The following PROM1 variants were observed in gnomAD, a reference collection of about 807,000 sequenced individuals.
The protein encoded by PROM1 is prominin 1.
In PROM1, 105 loss-of-function variants were observed where a neutral mutation model predicts 116.9. The ratio of observed to expected loss-of-function variants is 0.90; its 90% CI spans 0.77 to 1.06. The LOEUF is 1.06. Among genes scored for constraint, PROM1 ranks in the 50% least tolerant of loss-of-function variants. PROM1 has a pLI of 0.00. For missense variants in PROM1, 1,122 were observed against 1,045.2 expected (o/e 1.07, Z -1.01); for synonymous variants, 393 against 387.0 (o/e 1.02, Z -0.18).
intron 27 of PROM1, among the ~76,000 whole-genome samples, chr4:15,969,625 C>T (rs542702258): frequency 5.8e-4 from 89 of 152,168 alleles, no homozygotes; most frequent in Non-Finnish European, 1.0e-3. Flanking sequence ...CTCACTCTGT[C>T]GCCCAGGCTG....
chr4:16,050,265 A>G (rs1457463852), intron 2 of PROM1, among the ~76,000 whole-genome samples: 1 of 151,840 alleles, frequency 6.6e-6, no homozygotes, highest in African/African-American at 2.4e-5. Context: ...TCTCAAAAAA[A>G]AAAAAACCAC....
At chr4:16,023,179 A>C (rs1730333503) in intron 8 of PROM1, 147 bp downstream of exon 8, 1 of 678,560 alleles carries the variant, frequency 1.5e-6, no homozygotes, top group African/African-American at 1.8e-5. Flanking sequence ...ATTGCAACAC[A>C]GTGTCTTGAC....
chr4:16,035,626 G>A (rs1733775616), intron 4 of PROM1, 109 bp downstream of exon 4: 4 of 1,114,208 alleles, frequency 3.6e-6, no homozygotes, highest in South Asian at 1.3e-5. Flanking sequence ...AAAAGTGATG[G>A]TAAAAACAGA....
At chr4:15,994,785 A>G (rs1263562140) in intron 15 of PROM1, among the ~76,000 whole-genome samples, 1 of 152,208 alleles carries the variant, frequency 6.6e-6, no homozygotes, top group Non-Finnish European at 1.5e-5. Flanking sequence ...CTTCCTTGCC[A>G]CAGCAGCCAG....
At chr4:15,973,464 A>G (rs1715189563) in intron 26 of PROM1, among the ~76,000 whole-genome samples, 3 of 152,192 alleles carry the variant, frequency 2.0e-5, no homozygotes, top group Non-Finnish European at 4.4e-5. Flanking sequence ...CAACAACAGC[A>G]AAGAATCTAC....
At chr4:16,014,644 C>A (rs976357381) in intron 10 of PROM1, among the ~76,000 whole-genome samples, 1 of 152,174 alleles carries the variant, frequency 6.6e-6, no homozygotes, top group Non-Finnish European at 1.5e-5. Context: ...ATAACTCCCA[C>A]AAGCTTAGCG....
intron 5 of PROM1, among the ~76,000 whole-genome samples, chr4:16,027,311 C>G (rs1263333952): frequency 6.6e-6 from 1 of 151,930 alleles, no homozygotes. Flanking sequence ...CACACACACA[C>G]ACACACACAC....
chr4:15,994,801 T>C (rs1721905747), intron 15 of PROM1, among the ~76,000 whole-genome samples: 1 of 152,212 alleles, frequency 6.6e-6, no homozygotes, highest in Admixed American at 6.5e-5. Flanking sequence ...GCCAGGGCCC[T>C]CTAGGCCTGA....
At chr4:16,025,344 T>C in intron 5 of PROM1, 32 bp from the exon 6 acceptor site, 1 of 1,611,784 alleles carries the variant, frequency 6.2e-7, no homozygotes, top group Non-Finnish European at 8.5e-7. Flanking sequence ...AGAAAGAGCA[T>C]TTACTGTGTG....
intron 26 of PROM1, among the ~76,000 whole-genome samples, chr4:15,973,275 C>T (rs1279207922): frequency 6.6e-6 from 1 of 152,156 alleles, no homozygotes; most frequent in African/African-American, 2.4e-5. Flanking sequence ...AGTGAAACTC[C>T]ATCTCTACTA....
intron 13 of PROM1, among the ~76,000 whole-genome samples, chr4:16,002,766 G>T (rs779988350): frequency 3.3e-5 from 5 of 152,038 alleles, no homozygotes; most frequent in Non-Finnish European, 5.9e-5. Context: ...TCTAAAAAGG[G>T]CACCATGACT....
At position 15,969,247 on chromosome 4, in the gene PROM1, T is replaced by C. The variant is rs1332196912; in HGVS notation, c.*146A>G. ...CACTACCCAGAGACCAATGGTGCCG[T>C]TGCCTTGGTGCCCGCCTGAGTCACT... On this transcript the variant is annotated 3_prime_UTR_variant, in exon 28 of 28. Transcript: ENST00000447510. The C allele has an allele frequency of 2.0e-5, 3 of 152,248 alleles. No homozygotes were observed. The highest frequency in any genetic ancestry group is 7.2e-5 in the African/African-American group (3 of 41,466). The allele number at this position is 152,248 out of a possible 1,614,324, so 9.4% of individuals were successfully genotyped here. A position where few individuals can be genotyped will look rare whatever the true frequency, so the allele number is the denominator to read the frequency against.
At chr4:16,058,673 A>T (rs900807679) in intron 2 of PROM1, among the ~76,000 whole-genome samples, 4 of 151,816 alleles carry the variant, frequency 2.6e-5, no homozygotes, top group African/African-American at 7.3e-5. Flanking sequence ...AAATGAGAAC[A>T]CCGCATTTAA....
chr4:16,061,955 G>T (rs938052675), intron 2 of PROM1, among the ~76,000 whole-genome samples: 1 of 142,294 alleles, frequency 7.0e-6, no homozygotes, highest in African/African-American at 2.6e-5. Context: ...GCAGTGGCGC[G>T]ATCTTGACTC....
At chr4:15,998,677 A>C (rs1202863170) in intron 14 of PROM1, among the ~76,000 whole-genome samples, 189 bp from the exon 15 acceptor site, 2 of 152,174 alleles carry the variant, frequency 1.3e-5, no homozygotes, top group African/African-American at 4.8e-5. Context: ...ATATTTATTG[A>C]TGGGTAGCAT....
chr4:15,990,424 G>C (rs576920254), intron 18 of PROM1, among the ~76,000 whole-genome samples: 12 of 152,302 alleles, frequency 7.9e-5, no homozygotes, highest in African/African-American at 2.9e-4. Context: ...TGGGGCTGGG[G>C]TGGTACCTCT....
chr4:15,976,374 A>G (rs1716129108), intron 26 of PROM1, among the ~76,000 whole-genome samples: 1 of 152,254 alleles, frequency 6.6e-6, no homozygotes. Context: ...AGTAAAAACT[A>G]GTAAATAAGG....
At chr4:15,981,508 G>A (rs1464534682) in intron 23 of PROM1, among the ~76,000 whole-genome samples, 1 of 151,512 alleles carries the variant, frequency 6.6e-6, no homozygotes, top group Admixed American at 6.6e-5. Context: ...GGAGGCGGAG[G>A]TTGCAGTGAA....
intron 15 of PROM1, among the ~76,000 whole-genome samples, chr4:15,996,765 G>A (rs974736219): frequency 3.9e-5 from 6 of 152,066 alleles, no homozygotes; most frequent in Admixed American, 2.6e-4. Context: ...ATATAATAAC[G>A]CTAGGCATAG....
Sources: gnomAD v4.1 joint callset for allele counts (sites outside exome capture counted in the v4.1 genomes callset) on GRCh38, gnomAD v4.1.1 for gene constraint, MANE v1.5 for transcripts, NCBI Gene and HGNC (gene_info 2026-07-23, HGNC 2026-07-21) for gene names.